WWOX: variants seen among roughly 807,000 people sequenced by gnomAD.
WWOX encodes the protein WW domain-containing oxidoreductase.
A neutral mutation model predicts 46.2 loss-of-function variants in WWOX; 69 were observed. The observed-to-expected ratio is 1.49, with a 90% CI of 1.23 to 1.82. The LOEUF (loss-of-function observed/expected upper bound fraction) is 1.82, where lower values mean the gene tolerates loss of function less well. Ranked by LOEUF, WWOX falls within the 40% of genes most tolerant of loss-of-function variation. The pLI, the probability that WWOX is intolerant of heterozygous loss-of-function variation, is 0.00. For missense variants in WWOX, 919 were observed against 542.6 expected, an observed-to-expected ratio of 1.69 and a Z score of -6.89; for synonymous variants, 359 against 202.6, an observed-to-expected ratio of 1.77 and a Z score of -6.56.
chr16:78,881,090 C>G (rs927273575), intron 8 of WWOX, among the ~76,000 whole-genome samples: 2 of 150,778 alleles, frequency 1.3e-5, no homozygotes, highest in African/African-American at 2.4e-5. Context: ...CTCCTGGGCG[C>G]AAGTGATCCT....
chr16:79,129,260 T>G (rs887213066), intron 8 of WWOX, among the ~76,000 whole-genome samples: 1 of 151,348 alleles, frequency 6.6e-6, no homozygotes, highest in Admixed American at 6.6e-5. Context: ...AAAATAGAGA[T>G]GTAGTTTTAG....
chr16:79,180,311 G>A (rs920795214), intron 8 of WWOX, among the ~76,000 whole-genome samples: 41 of 152,340 alleles, frequency 2.7e-4, no homozygotes, highest in East Asian at 7.7e-4. Context: ...GGAAGGTCAC[G>A]CAAGGAAGCT....
intron 8 of WWOX, among the ~76,000 whole-genome samples, chr16:78,706,317 T>G (rs1461457411): frequency 1.3e-5 from 2 of 152,118 alleles, no homozygotes; most frequent in African/African-American, 2.4e-5. Context: ...ATCTCTTATT[T>G]CTTTCCAGAG....
chr16:79,135,221 C>T (rs369888277), intron 8 of WWOX, among the ~76,000 whole-genome samples: 37 of 152,104 alleles, frequency 2.4e-4, no homozygotes, highest in African/African-American at 6.3e-4. Flanking sequence ...GATCCATACA[C>T]GTAAATATGC....
chr16:78,519,263 A>G (rs557852789), intron 8 of WWOX, among the ~76,000 whole-genome samples: 1 of 152,240 alleles, frequency 6.6e-6, no homozygotes, highest in East Asian at 1.9e-4. Flanking sequence ...CGGAGTGCCT[A>G]GAACCCAATG....
chr16:78,902,127 C>T (rs1034593772), intron 8 of WWOX, among the ~76,000 whole-genome samples: 1 of 152,186 alleles, frequency 6.6e-6, no homozygotes, highest in African/African-American at 2.4e-5. Context: ...CTACATCCAC[C>T]TCTGCAGGAA....
chr16:78,310,424 C>T (rs1567491641), intron 5 of WWOX, among the ~76,000 whole-genome samples: 1 of 152,206 alleles, frequency 6.6e-6, no homozygotes, highest in African/African-American at 2.4e-5. Context: ...GCTGATTATA[C>T]TCCTTGGGAA....
chr16:79,171,760 G>C (rs1212770231), intron 8 of WWOX, among the ~76,000 whole-genome samples: 1 of 152,124 alleles, frequency 6.6e-6, no homozygotes, highest in Admixed American at 6.5e-5. Context: ...AACGAGTAAA[G>C]TTCATTGTCT....
intron 8 of WWOX, among the ~76,000 whole-genome samples, chr16:78,770,327 G>T (rs2050033356): frequency 6.6e-6 from 1 of 151,912 alleles, no homozygotes; most frequent in African/African-American, 2.4e-5. Context: ...CTCCAGCCTG[G>T]GCCATAGAGT....
chr16:78,195,834 A>AAG (rs1386757210), intron 5 of WWOX, among the ~76,000 whole-genome samples: 3 of 150,248 alleles, frequency 2.0e-5, no homozygotes, highest in East Asian at 4.1e-4. Flanking sequence ...AAAAAAAAAA[A>AAG]AAAAAAGAAA....
intron 8 of WWOX, among the ~76,000 whole-genome samples, chr16:78,799,940 A>G (rs888196866): frequency 1.3e-5 from 2 of 152,138 alleles, no homozygotes; most frequent in Non-Finnish European, 2.9e-5. Context: ...CATCTCAGGC[A>G]CTAGTTAGGA....
chr16:78,458,258 GTTTTTTT>G (rs78333090), intron 8 of WWOX, among the ~76,000 whole-genome samples: 22,316 of 121,170 alleles, frequency 0.18, 1,756 homozygotes, highest in Middle Eastern at 0.2. Context: ...CATTGGTATA[GTTTTTTT>G]TTTTTTTTTT....
intron 8 of WWOX, among the ~76,000 whole-genome samples, chr16:79,172,892 G>T (rs915433709): frequency 6.6e-6 from 1 of 151,778 alleles, no homozygotes; most frequent in East Asian, 2.0e-4. Context: ...GTAGTGGTGT[G>T]CGCCTGTAGT....
At chr16:78,514,593 C>T (rs958282036) in intron 8 of WWOX, among the ~76,000 whole-genome samples, 3 of 152,162 alleles carry the variant, frequency 2.0e-5, no homozygotes, top group Non-Finnish European at 4.4e-5. Flanking sequence ...GATAAGTGTA[C>T]CAGATTTCCT....
At chr16:78,900,665 T>C (rs1199086818) in intron 8 of WWOX, among the ~76,000 whole-genome samples, 1 of 152,212 alleles carries the variant, frequency 6.6e-6, no homozygotes, top group Non-Finnish European at 1.5e-5. Flanking sequence ...GTAAATCTAT[T>C]ACTCATCAGA....
intron 8 of WWOX, among the ~76,000 whole-genome samples, chr16:78,904,191 A>G (rs948633744): frequency 4.0e-5 from 6 of 148,738 alleles, no homozygotes; most frequent in African/African-American, 1.5e-4. Context: ...GTTAGCAGTT[A>G]CAGGTGCTTG....
intron 8 of WWOX, among the ~76,000 whole-genome samples, chr16:79,060,268 C>CA (rs1237608197): frequency 1.3e-5 from 2 of 152,132 alleles, no homozygotes; most frequent in African/African-American, 2.4e-5. Context: ...TTGGAAATTG[C>CA]AAAAATACTA....
intron 8 of WWOX, among the ~76,000 whole-genome samples, chr16:78,767,589 G>C (rs2049954831): frequency 6.6e-6 from 1 of 152,070 alleles, no homozygotes; most frequent in African/African-American, 2.4e-5. Flanking sequence ...ATACCTAGGA[G>C]TGAAATTGCT....
chr16:79,135,411 C>G (rs1346084891), intron 8 of WWOX, among the ~76,000 whole-genome samples: 1 of 152,130 alleles, frequency 6.6e-6, no homozygotes, highest in Non-Finnish European at 1.5e-5. Flanking sequence ...ATCCCATTGT[C>G]TGTCTTCACC....
Sources: allele counts gnomAD v4.1 joint callset (sites outside exome capture counted in the v4.1 genomes callset), GRCh38; gene constraint gnomAD v4.1.1; transcripts MANE v1.5; gene names NCBI Gene and HGNC (gene_info 2026-07-23, HGNC 2026-07-21).